Variants in PLXDC2 observed in about 807,000 individuals in gnomAD.
The protein encoded by PLXDC2 is plexin domain containing 2.
Under a neutral mutation model 68.9 loss-of-function variants are expected in PLXDC2, and 40 were observed. That is an observed-to-expected ratio of 0.58 (90% confidence interval 0.45 to 0.76). The LOEUF is 0.76. Among genes scored for constraint, PLXDC2 ranks in the 30% least tolerant of loss-of-function variants. PLXDC2 has a pLI of 0.00. For missense variants in PLXDC2, 644 were observed against 661.9 expected, an observed-to-expected ratio of 0.97 and a Z score of 0.30; for synonymous variants, 243 against 234.2, an observed-to-expected ratio of 1.04 and a Z score of -0.34.
At chr10:20,049,158 A>G (rs1439290858) in intron 3 of PLXDC2, among the ~76,000 whole-genome samples, 2 of 152,096 alleles carry the variant, frequency 1.3e-5, no homozygotes, top group Admixed American at 6.6e-5. Flanking sequence ...ACAAAATTCA[A>G]CACCCTTCAT....
intron 1 of PLXDC2, among the ~76,000 whole-genome samples, chr10:19,865,035 A>C (rs565851065): frequency 2.0e-5 from 3 of 152,218 alleles, no homozygotes; most frequent in East Asian, 1.9e-4. Flanking sequence ...CCACAGTTCA[A>C]TGTGGCTGGA....
chr10:20,288,586 A>T lies in PLXDC2; in HGVS notation c.*8767A>T, dbSNP rs1353921435. Reference sequence around the variant, plus strand: ...GCTACATACTTCTGCAAGCTTCCTGATTATGTTCACTGTAATATTAATGAC... The same window carrying T: ...GCTACATACTTCTGCAAGCTTCCTGTTTATGTTCACTGTAATATTAATGAC... On this transcript the variant is annotated 3_prime_UTR_variant, in exon 14 of 14. Transcript: ENST00000377252. 6.6e-6 allele frequency: 1 copy of T among 152,144 alleles called. No homozygotes were observed. The highest frequency in any genetic ancestry group is 2.4e-5 in the African/African-American group (1 of 41,446). 9.4% of individuals were successfully genotyped at this position (152,144 alleles called of 1,614,324 possible).
chr10:19,877,440 T>C (rs1837652111), intron 1 of PLXDC2, among the ~76,000 whole-genome samples: 2 of 152,250 alleles, frequency 1.3e-5, no homozygotes, highest in Non-Finnish European at 2.9e-5. Context: ...GCTTATTAGC[T>C]TATGAAGTAT....
chr10:20,019,011 A>G (rs1465950811), intron 2 of PLXDC2, among the ~76,000 whole-genome samples: 2 of 152,218 alleles, frequency 1.3e-5, no homozygotes, highest in African/African-American at 2.4e-5. Context: ...TGGACATGGC[A>G]GCTCATGCCT....
intron 12 of PLXDC2, among the ~76,000 whole-genome samples, chr10:20,236,560 T>C (rs1366894988): frequency 6.6e-6 from 1 of 152,202 alleles, no homozygotes; most frequent in East Asian, 1.9e-4. Context: ...ATAAAGATCT[T>C]GACTGCTGAA....
At chr10:20,089,088 CTACT>C (rs769810758) in intron 4 of PLXDC2, among the ~76,000 whole-genome samples, 222 of 151,222 alleles carry the variant, frequency 1.5e-3, no homozygotes, top group Non-Finnish European at 2.3e-3. Context: ...ATCTTCAGAA[CTACT>C]TAGAGTCAAA....
intron 2 of PLXDC2, among the ~76,000 whole-genome samples, chr10:20,014,187 C>T (rs1367024694): frequency 2.8e-5 from 4 of 143,634 alleles, no homozygotes; most frequent in East Asian, 2.1e-4. Context: ...TTCCCTCCCT[C>T]CCTCCCTTGT....
intron 9 of PLXDC2, among the ~76,000 whole-genome samples, chr10:20,193,824 T>C (rs1307609129): frequency 2.0e-5 from 3 of 152,058 alleles, no homozygotes; most frequent in African/African-American, 7.2e-5. Flanking sequence ...ACATAGAACA[T>C]TGGTACACAT....
In PLXDC2 at chr10:20,238,662, A is replaced by AAAAATATATATATATGTAT. The variant is rs1175526348; in HGVS notation, c.1313-6682_1313-6681insAAATATATATATATGTATA. On this transcript the variant is annotated intron_variant, in intron 12 of 13. Coordinates refer to ENST00000377252, the MANE Select transcript of PLXDC2 (RefSeq NM_032812.9). ...CAGAGAAAGACTCCATCTCAAAAAA[A>AAAAATATATATATATGTAT]ATATATATATATATGTATATATATA... Among the ~76,000 whole-genome samples, 119 of 31,620 alleles carry AAAAATATATATATATGTAT rather than the reference A, an allele frequency of 3.8e-3. 2 individuals are homozygous for AAAAATATATATATATGTAT. The highest frequency in any genetic ancestry group is 0.012 in the African/African-American group (117 of 9,522). 20.7% of individuals were successfully genotyped at this position (31,620 alleles called of 152,430 possible).
At chr10:20,166,326 T>C (rs1834374229) in intron 7 of PLXDC2, among the ~76,000 whole-genome samples, 1 of 152,162 alleles carries the variant, frequency 6.6e-6, no homozygotes, top group African/African-American at 2.4e-5. Flanking sequence ...TTTCTCCTTG[T>C]TAGCTGAGAA....
chr10:20,155,593 ACTTCCCTATATTT>A (rs1389821079), intron 6 of PLXDC2, among the ~76,000 whole-genome samples: 1 of 152,206 alleles, frequency 6.6e-6, no homozygotes, highest in Non-Finnish European at 1.5e-5. Flanking sequence ...ATATCATAGG[ACTTCCCTATATTT>A]TAAACAAGTA....
intron 2 of PLXDC2, among the ~76,000 whole-genome samples, chr10:20,003,492 G>T (rs1834976302): frequency 6.6e-6 from 1 of 152,148 alleles, no homozygotes; most frequent in Non-Finnish European, 1.5e-5. Context: ...GAGTGCAGTG[G>T]CATGATCTCG....
At chr10:20,212,744 C>T (rs901324285) in intron 10 of PLXDC2, among the ~76,000 whole-genome samples, 2 of 152,068 alleles carry the variant, frequency 1.3e-5, no homozygotes, top group Non-Finnish European at 2.9e-5. Context: ...TGCAGTATTG[C>T]CAGTGTAGCT....
chr10:19,859,838 T>G lies in PLXDC2; in HGVS notation c.112+42647T>G, dbSNP rs184616712. Among the ~76,000 whole-genome samples the G allele has an allele frequency of 4.4e-3, 672 of 152,258 alleles. 6 individuals are homozygous for G. The highest frequency in any genetic ancestry group is 0.015 in the African/African-American group (638 of 41,540). ...ACTTCCTCTCCTGGGTTCAAGCGAT[T>G]CTCGTGCCTCAGTCTCCCAAGTAGC... On this transcript the variant is annotated intron_variant, in intron 1 of 13. Coordinates refer to ENST00000377252, the MANE Select transcript of PLXDC2 (RefSeq NM_032812.9).
intron 1 of PLXDC2, among the ~76,000 whole-genome samples, chr10:19,854,208 G>C (rs1338108367): frequency 2.6e-5 from 4 of 152,214 alleles, no homozygotes; most frequent in Non-Finnish European, 5.9e-5. Flanking sequence ...GAGGCAAGTG[G>C]CCTGAGCAGA....
chr10:20,140,913 T>C (rs1275285275), intron 4 of PLXDC2, among the ~76,000 whole-genome samples: 1 of 151,966 alleles, frequency 6.6e-6, no homozygotes, highest in East Asian at 1.9e-4. Flanking sequence ...GTGGTACTAA[T>C]AGTGGTAGTA....
At chr10:20,238,027 T>C (rs1489560041) in intron 12 of PLXDC2, among the ~76,000 whole-genome samples, 1 of 152,022 alleles carries the variant, frequency 6.6e-6, no homozygotes, top group African/African-American at 2.4e-5. Context: ...ATTGGAGAAT[T>C]ACACTTCTAA....
At chr10:19,977,121 ATGT>A (rs778437707) in intron 1 of PLXDC2, among the ~76,000 whole-genome samples, 82 of 152,084 alleles carry the variant, frequency 5.4e-4, no homozygotes, top group Non-Finnish European at 1.1e-3. Context: ...CATTCTTCAG[ATGT>A]TGTGAAGTCC....
At chr10:19,828,684 A>G (rs1369192651) in intron 1 of PLXDC2, among the ~76,000 whole-genome samples, 2 of 152,240 alleles carry the variant, frequency 1.3e-5, no homozygotes, top group African/African-American at 4.8e-5. Context: ...TCCATGCAGG[A>G]AGCCAGATTG....
Sources: allele counts gnomAD v4.1 joint callset (sites outside exome capture counted in the v4.1 genomes callset), GRCh38; gene constraint gnomAD v4.1.1; transcripts MANE v1.5; gene names NCBI Gene and HGNC (gene_info 2026-07-23, HGNC 2026-07-21).